Variants in ACBD5 observed in about 807,000 individuals in gnomAD.
The protein encoded by ACBD5 is acyl-CoA binding domain containing 5.
Under a neutral mutation model 71.8 loss-of-function variants are expected in ACBD5, and 40 were observed. That is an observed-to-expected ratio of 0.56 (90% CI 0.43 to 0.72). The LOEUF (loss-of-function observed/expected upper bound fraction) is 0.72, where lower values mean the gene tolerates loss of function less well. ACBD5 is among the 30% of genes least tolerant of loss of function. The probability of loss-of-function intolerance (pLI) is 0.00; values close to 1 mark genes in which losing one functional copy is unlikely to be tolerated. For missense variants in ACBD5, 559 were observed against 644.5 expected (o/e 0.87, Z 1.44); for synonymous variants, 229 against 218.6 (o/e 1.05, Z -0.42).
At chr10:27,231,636 A>G (rs556936340) in intron 4 of ACBD5, 112 bp downstream of exon 4, 42 of 888,884 alleles carry the variant, frequency 4.7e-5, no homozygotes, top group Middle Eastern at 2.6e-4. Context: ...TCTAGATTCT[A>G]TTGTATAACA....
chr10:27,211,446 G>A (rs1344459783), intron 8 of ACBD5, among the ~76,000 whole-genome samples: 1 of 152,016 alleles, frequency 6.6e-6, no homozygotes, highest in African/African-American at 2.4e-5. Flanking sequence ...TCAGCCTCCC[G>A]AGTAGCTGGG....
At chr10:27,228,791 T>TTATATATATATATATATATATATA (rs1169917244) in intron 4 of ACBD5, among the ~76,000 whole-genome samples, 2 of 22,136 alleles carry the variant, frequency 9.0e-5, no homozygotes, top group Non-Finnish European at 3.3e-4. Context: ...CCTATTATGT[T>TTATATATATATATATATATATATA]TATATATATA....
At chr10:27,209,230 G>A (rs538560600) in intron 9 of ACBD5, among the ~76,000 whole-genome samples, 1 of 151,956 alleles carries the variant, frequency 6.6e-6, no homozygotes, top group Non-Finnish European at 1.5e-5. Context: ...CCTGGCCCTG[G>A]AGACTACTTC....
At chr10:27,204,577 A>G in intron 11 of ACBD5, 28 bp from the exon 12 acceptor site, 1 of 1,496,204 alleles carries the variant, frequency 6.7e-7, no homozygotes, top group Non-Finnish European at 9.3e-7. Flanking sequence ...GCTTGTCACC[A>G]ATCTATTCAA....
At chr10:27,229,416 C>G (rs2063564116) in intron 4 of ACBD5, among the ~76,000 whole-genome samples, 1 of 151,534 alleles carries the variant, frequency 6.6e-6, no homozygotes, top group South Asian at 2.1e-4. Context: ...ATGGTGAAAC[C>G]CCCATCTCTA....
chr10:27,235,597 A>G (rs1393986144), intron 2 of ACBD5, among the ~76,000 whole-genome samples: 7 of 152,216 alleles, frequency 4.6e-5, no homozygotes, highest in Non-Finnish European at 1.0e-4. Context: ...AAAACTGACT[A>G]GTGTAAGTGA....
intron 3 of ACBD5, among the ~76,000 whole-genome samples, 176 bp from the exon 4 acceptor site, chr10:27,231,996 A>G (rs886153867): frequency 2.0e-5 from 3 of 152,234 alleles, no homozygotes; most frequent in African/African-American, 7.2e-5. Context: ...ATAAACTAGC[A>G]AATTAAATAG....
intron 4 of ACBD5, among the ~76,000 whole-genome samples, chr10:27,228,531 GGCGCC>G (rs1339527753): frequency 1.3e-5 from 2 of 151,506 alleles, no homozygotes; most frequent in African/African-American, 4.8e-5. Flanking sequence ...GAGCCAAGAT[GGCGCC>G]GTTACACTCT....
chr10:27,197,140 G>C lies in ACBD5; in HGVS notation c.*290C>G, dbSNP rs762440079. ...TAATCAGGTAAACATGTTACCAAAT[G>C]ATCATTAATAATTTAATGTCCTTCA... On this transcript the variant is annotated 3_prime_UTR_variant, in exon 13 of 13. Coordinates refer to ENST00000396271, the MANE Select transcript of ACBD5 (RefSeq NM_145698.5). The C allele has an allele frequency of 1.9e-6, 1 of 520,088 alleles. No homozygotes were observed. Among genetic ancestry groups the C allele is most frequent in the Non-Finnish European group, 3.5e-6 (1 of 283,176 alleles). The allele number at this position is 520,088 out of a possible 1,614,324, so 32.2% of individuals were successfully genotyped here.
At chr10:27,222,673 T>C (rs552463400) in intron 5 of ACBD5, among the ~76,000 whole-genome samples, 3 of 152,264 alleles carry the variant, frequency 2.0e-5, no homozygotes, top group African/African-American at 4.8e-5. Flanking sequence ...TGGGTTCAAG[T>C]GATTCTTGTG....
intron 12 of ACBD5, among the ~76,000 whole-genome samples, chr10:27,200,403 T>C (rs1028365484): frequency 1.3e-5 from 2 of 151,940 alleles, no homozygotes; most frequent in Non-Finnish European, 2.9e-5. Flanking sequence ...ACCACAAAAA[T>C]GGGCAATGAG....
At chr10:27,210,713 GCAC>G in intron 9 of ACBD5, 98 bp downstream of exon 9, 1 of 1,501,906 alleles carries the variant, frequency 6.7e-7, no homozygotes, top group Middle Eastern at 2.1e-4. Flanking sequence ...AGCCGAGATT[GCAC>G]CACCGCACAC....
downstream of ACBD5, among the ~76,000 whole-genome samples, chr10:27,194,259 A>T (rs1169220381): frequency 1.3e-5 from 2 of 151,134 alleles, no homozygotes; most frequent in Non-Finnish European, 3.0e-5. Context: ...CTCAATTAAA[A>T]AAAAAAAAAA....
At chr10:27,236,186 T>C (rs1191714955) in intron 2 of ACBD5, among the ~76,000 whole-genome samples, 4 of 151,482 alleles carry the variant, frequency 2.6e-5, no homozygotes, top group Non-Finnish European at 5.9e-5. Flanking sequence ...AACTGAAAAA[T>C]TGGAATGTTA....
At chr10:27,220,093 G>T (rs1464433824) in intron 5 of ACBD5, among the ~76,000 whole-genome samples, 1 of 152,068 alleles carries the variant, frequency 6.6e-6, no homozygotes, top group East Asian at 1.9e-4. Flanking sequence ...CAGGCAGAGG[G>T]TAAATTATTT....
chr10:27,190,393 T>C (rs10829208), downstream of ACBD5, among the ~76,000 whole-genome samples: 90,810 of 151,972 alleles, frequency 0.6, 27,419 homozygotes, highest in Non-Finnish European at 0.64. Flanking sequence ...TATGTTAGAA[T>C]TAAGTAAGAT....
chr10:27,213,656 C>G (rs1276460873), intron 8 of ACBD5, among the ~76,000 whole-genome samples: 1 of 151,948 alleles, frequency 6.6e-6, no homozygotes, highest in East Asian at 1.9e-4. Flanking sequence ...ACTCGGGAGG[C>G]TGAAGCAGGA....
chr10:27,210,495 C>T (rs1564603205), intron 9 of ACBD5, among the ~76,000 whole-genome samples: 2 of 152,166 alleles, frequency 1.3e-5, no homozygotes, highest in Non-Finnish European at 2.9e-5. Flanking sequence ...GCACAGCTCA[C>T]GCCTGTAATC....
At chr10:27,210,290 T>C (rs1297179250) in intron 9 of ACBD5, among the ~76,000 whole-genome samples, 1 of 152,200 alleles carries the variant, frequency 6.6e-6, no homozygotes, top group Admixed American at 6.5e-5. Flanking sequence ...CATCAAGCAT[T>C]GTTGGGGATT....
Sources: gnomAD v4.1 joint callset for allele counts (sites outside exome capture counted in the v4.1 genomes callset) on GRCh38, gnomAD v4.1.1 for gene constraint, MANE v1.5 for transcripts, NCBI Gene and HGNC (gene_info 2026-07-23, HGNC 2026-07-21) for gene names.